Variants in RALGPS1 observed in about 807,000 individuals in gnomAD.
RALGPS1 encodes the protein ras-specific guanine nucleotide-releasing factor RalGPS1.
A neutral mutation model predicts 78.8 loss-of-function variants in RALGPS1; 19 were observed. The ratio of observed to expected loss-of-function variants is 0.24; its 90% CI spans 0.17 to 0.35. RALGPS1 has a LOEUF of 0.35. Among genes scored for constraint, RALGPS1 ranks in the 10% least tolerant of loss-of-function variants. RALGPS1 has a pLI of 1.00. For synonymous variants in RALGPS1, 228 were observed against 256.3 expected (o/e 0.89, Z 1.06); for missense variants, 454 against 688.3 (o/e 0.66, Z 3.81).
chr9:126,936,938 C>T (rs2036321075), intron 1 of RALGPS1, among the ~76,000 whole-genome samples: 1 of 151,746 alleles, frequency 6.6e-6, no homozygotes, highest in South Asian at 2.1e-4. Context: ...ACCTCCATCT[C>T]CCAAATAGTT....
intron 4 of RALGPS1, among the ~76,000 whole-genome samples, chr9:127,030,084 A>C (rs2046301736): frequency 6.6e-6 from 1 of 152,010 alleles, no homozygotes; most frequent in African/African-American, 2.4e-5. Context: ...TTTGTTGTTA[A>C]CGTGTTTTTT....
At chr9:127,167,726 A>G (rs1484224531) in intron 9 of RALGPS1, among the ~76,000 whole-genome samples, 2 of 152,220 alleles carry the variant, frequency 1.3e-5, no homozygotes, top group South Asian at 2.1e-4. Flanking sequence ...GGCCAGAGCT[A>G]TCGGGTGCTC....
rs1422748533 is a variant in RALGPS1, at chr9:127,211,035, A to G, written c.1248-1096A>G. 6.6e-6 allele frequency among the ~76,000 whole-genome samples: 1 copy of G among 152,172 alleles called. No individual in the cohort carries two copies. The highest frequency in any genetic ancestry group is 1.5e-5 in the Non-Finnish European group (1 of 68,022). On this transcript the variant is annotated intron_variant, in intron 14 of 18. Coordinates refer to ENST00000259351, the MANE Select transcript of RALGPS1 (RefSeq NM_014636.3). The surrounding 1 kb of genome is among the most constrained non-coding windows in gnomAD (Gnocchi z 5.0). ...GAAGAATGATAGGAATTCGCCAAAT[A>G]ATTGGAAGTGGAGGGGCAATGAGAA...
At chr9:127,034,968 A>C (rs1340070937) in intron 5 of RALGPS1, among the ~76,000 whole-genome samples, 4 of 152,076 alleles carry the variant, frequency 2.6e-5, no homozygotes, top group African/African-American at 9.6e-5. Context: ...CTCAGCCTAA[A>C]TGTCATTTCT....
At chr9:127,112,230 G>A (rs868606615) in intron 8 of RALGPS1, among the ~76,000 whole-genome samples, 7 of 152,212 alleles carry the variant, frequency 4.6e-5, no homozygotes, top group Admixed American at 2.0e-4. Flanking sequence ...CTGCAGTGAC[G>A]TCAGTGGAAA....
chr9:126,983,908 C>T (rs1455128050), intron 4 of RALGPS1, among the ~76,000 whole-genome samples: 1 of 152,064 alleles, frequency 6.6e-6, no homozygotes, highest in Non-Finnish European at 1.5e-5. Context: ...CTTTGTATCA[C>T]ATGTCACATT....
intron 9 of RALGPS1, among the ~76,000 whole-genome samples, chr9:127,167,520 G>C (rs1412835472): frequency 6.6e-6 from 1 of 152,178 alleles, no homozygotes; most frequent in Admixed American, 6.5e-5. Context: ...CATGAAAATG[G>C]GGATAGGATT....
chr9:127,131,166 C>G (rs963558751), intron 8 of RALGPS1, among the ~76,000 whole-genome samples: 1 of 152,158 alleles, frequency 6.6e-6, no homozygotes, highest in Non-Finnish European at 1.5e-5. Flanking sequence ...CCCAGGCAGC[C>G]GTGTTTGTTG....
chr9:127,209,916 C>T (rs900189882), intron 14 of RALGPS1, among the ~76,000 whole-genome samples: 5 of 152,148 alleles, frequency 3.3e-5, no homozygotes, highest in Non-Finnish European at 5.9e-5. Context: ...GTCTGGCCAA[C>T]GGGCAAGAAG....
intron 5 of RALGPS1, among the ~76,000 whole-genome samples, chr9:127,046,997 A>AAC (rs1365629464): frequency 6.6e-6 from 1 of 151,990 alleles, no homozygotes; most frequent in Non-Finnish European, 1.5e-5. Flanking sequence ...GTTAAAAAAA[A>AAC]AAAAACTGAT....
At chr9:127,054,996 TGAGAGAGAGAGAGA>T (rs10555826) in intron 7 of RALGPS1, among the ~76,000 whole-genome samples, 2,111 of 139,198 alleles carry the variant, frequency 0.015, 63 homozygotes, top group East Asian at 0.084. Flanking sequence ...AGAGATTGAT[TGAGAGAGAGAGAGA>T]GAGAGAGAGA....
chr9:126,997,135 C>T (rs2133405456), intron 4 of RALGPS1, among the ~76,000 whole-genome samples: 1 of 152,274 alleles, frequency 6.6e-6, no homozygotes, highest in East Asian at 1.9e-4. Flanking sequence ...GACAGGGATG[C>T]CCTCTCTCAC....
intron 4 of RALGPS1, among the ~76,000 whole-genome samples, chr9:127,012,223 C>T (rs2044411697): frequency 6.6e-6 from 1 of 152,156 alleles, no homozygotes; most frequent in Non-Finnish European, 1.5e-5. Flanking sequence ...ATAAAACCTA[C>T]TAATAAGTAG....
rs148554698 is a variant in RALGPS1 at position 127,094,613 on chromosome 9, C to T, written c.610+25257C>T. 1.6e-4 allele frequency among the ~76,000 whole-genome samples: 24 copies of T among 152,366 alleles called. No homozygotes were observed. In the East Asian group the frequency reaches 4.2e-3, roughly 27 times the overall value. On this transcript the variant is annotated intron_variant, in intron 8 of 18. Transcript: ENST00000259351. ...ATATTTCTGCAATTCATTCACTGCTCTTCAAGTGTGTTTTTAGGGGGCCAG... is the reference window on the plus strand; with the variant it reads ...ATATTTCTGCAATTCATTCACTGCTTTTCAAGTGTGTTTTTAGGGGGCCAG...
rs10987574 is a variant in RALGPS1, at chr9:127,205,859, G to A, written c.1248-6272G>A. Among the ~76,000 whole-genome samples, 25,521 of 152,218 alleles carry A rather than the reference G, an allele frequency of 0.17. 2,868 individuals carry two copies. The highest frequency in any genetic ancestry group is 0.43 in the East Asian group (2,197 of 5,164). On this transcript the variant is annotated intron_variant, in intron 14 of 18. Coordinates refer to ENST00000259351, the MANE Select transcript of RALGPS1 (RefSeq NM_014636.3). The surrounding 1 kb of genome is among the most constrained non-coding windows in gnomAD (Gnocchi z 4.0). ...TCCTAATCACCAGGAGAGAAGATCT[G>A]GCATACCTGGCTTGGATCACTGGTG...
chr9:127,222,923 C>T lies in RALGPS1; in HGVS notation c.*4154C>T, dbSNP rs1319585197. 1 of 152,646 alleles carries T rather than the reference C, an allele frequency of 6.6e-6. No homozygotes were observed. The allele number at this position is 152,646 out of a possible 1,614,324, so 9.5% of individuals were successfully genotyped here. ...TGTCTTTTTCTCCAGCAGACCCCTGCATGCAGTTGTGTAAGGACTTTCTCT... is the reference window on the plus strand; with the variant it reads ...TGTCTTTTTCTCCAGCAGACCCCTGTATGCAGTTGTGTAAGGACTTTCTCT... On this transcript the variant is annotated 3_prime_UTR_variant, in exon 19 of 19. Coordinates refer to ENST00000259351, the MANE Select transcript of RALGPS1 (RefSeq NM_014636.3).
At chr9:127,195,328 G>A in intron 12 of RALGPS1, 111 bp downstream of exon 12, 2 of 1,405,894 alleles carry the variant, frequency 1.4e-6, no homozygotes, top group Non-Finnish European at 1.9e-6. Flanking sequence ...CCCTGTTCTG[G>A]GAGTTGCTGA....
intron 8 of RALGPS1, chr9:127,088,804 C>T (rs937850725): frequency 1.7e-5 from 18 of 1,040,560 alleles, no homozygotes; most frequent in African/African-American, 6.4e-5. Context: ...GCAGTGACTT[C>T]GGAAAACAGA....
At chr9:126,979,734 A>T (rs1335509619) in intron 4 of RALGPS1, among the ~76,000 whole-genome samples, 1 of 152,186 alleles carries the variant, frequency 6.6e-6, no homozygotes, top group African/African-American at 2.4e-5. Context: ...CCTCATCAAC[A>T]CATACCTTAG....
Sources: gnomAD v4.1 joint callset for allele counts (sites outside exome capture counted in the v4.1 genomes callset) on GRCh38, gnomAD v4.1.1 for gene constraint, Gnocchi (gnomAD v3.1) non-coding constraint, MANE v1.5 for transcripts, NCBI Gene and HGNC (gene_info 2026-07-23, HGNC 2026-07-21) for gene names.